Variants in AP1G1 observed in about 807,000 individuals in gnomAD.
AP1G1 encodes adaptor related protein complex 1 subunit gamma 1.
AP1G1 carries 7 observed loss-of-function variants against 108.3 expected under a neutral mutation model. The ratio of observed to expected loss-of-function variants is 0.06; its 90% CI spans 0.04 to 0.12. AP1G1 has a LOEUF of 0.12. Among genes scored for constraint, AP1G1 ranks in the 10% least tolerant of loss-of-function variants. The probability of loss-of-function intolerance (pLI) is 1.00; values close to 1 mark genes in which losing one functional copy is unlikely to be tolerated. For missense variants in AP1G1, 756 were observed against 1,010.7 expected, an observed-to-expected ratio of 0.75 and a Z score of 3.42; for synonymous variants, 379 against 353.5, an observed-to-expected ratio of 1.07 and a Z score of -0.81.
At chr16:71,789,820 A>T (rs1179158627) in intron 1 of AP1G1, among the ~76,000 whole-genome samples, 1 of 152,244 alleles carries the variant, frequency 6.6e-6, no homozygotes, top group Non-Finnish European at 1.5e-5. Flanking sequence ...CCTTAAAGTA[A>T]TAAGGAAAGG....
chr16:71,802,364 T>G (rs557105318), intron 1 of AP1G1, among the ~76,000 whole-genome samples: 1 of 152,056 alleles, frequency 6.6e-6, no homozygotes, highest in South Asian at 2.1e-4. Context: ...ACTCCTGGGT[T>G]CAAGTGATCT....
chr16:71,753,364 T>TA (rs1415776824), intron 13 of AP1G1, among the ~76,000 whole-genome samples: 5 of 152,190 alleles, frequency 3.3e-5, no homozygotes, highest in African/African-American at 1.2e-4. Flanking sequence ...GAGGCCTACA[T>TA]AGTCTGGCTC....
intron 1 of AP1G1, among the ~76,000 whole-genome samples, chr16:71,806,261 C>T (rs766035505): frequency 3.3e-5 from 5 of 152,066 alleles, no homozygotes; most frequent in East Asian, 1.9e-4. Flanking sequence ...CAAAAGAAAA[C>T]GGAGGTTTCC....
chr16:71,781,832 C>G (rs1047592790), intron 2 of AP1G1, among the ~76,000 whole-genome samples: 1 of 152,166 alleles, frequency 6.6e-6, no homozygotes. Context: ...GAAAATTTAT[C>G]TAGGTTATAT....
chr16:71,740,246 T>G (rs2045602130), intron 19 of AP1G1, among the ~76,000 whole-genome samples: 1 of 152,176 alleles, frequency 6.6e-6, no homozygotes, highest in Non-Finnish European at 1.5e-5. Context: ...GGGGCTGCCT[T>G]GTTTATTGTA....
At chr16:71,806,596 A>C (rs1597097985) in intron 1 of AP1G1, 18 of 789,332 alleles carry the variant, frequency 2.3e-5, no homozygotes, top group African/African-American at 9.3e-5. Context: ...GAGTTAACTA[A>C]CATCTATGTG....
intron 2 of AP1G1, among the ~76,000 whole-genome samples, chr16:71,780,496 T>TAA (rs1291795204): frequency 1.4e-4 from 17 of 117,250 alleles, no homozygotes; most frequent in African/African-American, 5.4e-4. Context: ...GTCTCTTAAT[T>TAA]TAAAAAAAAA....
At chr16:71,786,727 G>C (rs1281073103) in intron 2 of AP1G1, among the ~76,000 whole-genome samples, 1 of 152,062 alleles carries the variant, frequency 6.6e-6, no homozygotes, top group Non-Finnish European at 1.5e-5. Flanking sequence ...CCAAAGTTCT[G>C]GGTGTACAGG....
At chr16:71,736,114 AAAAATATATATAT>A (rs888810343) in intron 21 of AP1G1, among the ~76,000 whole-genome samples, 1 of 74,108 alleles carries the variant, frequency 1.3e-5, no homozygotes, top group Non-Finnish European at 2.6e-5. Flanking sequence ...AAAAAAAAAA[AAAAATATATATAT>A]ATATATATAT....
intron 9 of AP1G1, among the ~76,000 whole-genome samples, chr16:71,763,799 A>G (rs1184253403): frequency 6.6e-6 from 1 of 152,208 alleles, no homozygotes; most frequent in Non-Finnish European, 1.5e-5. Context: ...TCTAATATTA[A>G]TAAATGATAG....
intron 7 of AP1G1, among the ~76,000 whole-genome samples, chr16:71,765,083 G>A (rs893218970): frequency 1.3e-5 from 2 of 152,204 alleles, no homozygotes; most frequent in African/African-American, 4.8e-5. Flanking sequence ...GCTCTTGCCT[G>A]TAATCCCAGT....
chr16:71,780,016 C>T (rs1339146948), intron 2 of AP1G1, among the ~76,000 whole-genome samples: 4 of 131,756 alleles, frequency 3.0e-5, no homozygotes, highest in South Asian at 2.4e-4. Context: ...TTTTTTGAGA[C>T]GAAGTCTGGC....
chr16:71,772,540 A>T (rs939960375), intron 4 of AP1G1, among the ~76,000 whole-genome samples: 4 of 152,214 alleles, frequency 2.6e-5, no homozygotes, highest in African/African-American at 9.6e-5. Flanking sequence ...ACAAATTAAG[A>T]AAATAATTTA....
chr16:71,789,854 T>C (rs182807321), intron 1 of AP1G1, among the ~76,000 whole-genome samples: 15 of 152,346 alleles, frequency 9.8e-5, no homozygotes, highest in Admixed American at 3.3e-4. Flanking sequence ...TTAGAAAAGA[T>C]AGATATTATC....
intron 15 of AP1G1, among the ~76,000 whole-genome samples, chr16:71,748,715 A>G (rs566257384): frequency 7.9e-5 from 12 of 152,282 alleles, no homozygotes; most frequent in South Asian, 2.1e-4. Flanking sequence ...TGTTGCCACA[A>G]TTTTCCCTTT....
At chr16:71,779,146 A>G (rs1036413516) in intron 2 of AP1G1, among the ~76,000 whole-genome samples, 26 of 152,158 alleles carry the variant, frequency 1.7e-4, no homozygotes, top group Non-Finnish European at 5.9e-5. Flanking sequence ...TAAGAGATCG[A>G]AGTTTTCAGC....
At chr16:71,754,761 C>T (rs1040584029) in intron 12 of AP1G1, among the ~76,000 whole-genome samples, 1 of 151,952 alleles carries the variant, frequency 6.6e-6, no homozygotes, top group Non-Finnish European at 1.5e-5. Flanking sequence ...GACTGGGCCA[C>T]TGCCCTCCAG....
chr16:71,802,092 G>C (rs1461222075), intron 1 of AP1G1, among the ~76,000 whole-genome samples: 2 of 152,140 alleles, frequency 1.3e-5, no homozygotes, highest in Non-Finnish European at 2.9e-5. Context: ...GATACTCAAT[G>C]TGTATTTGGT....
At chr16:71,736,838 G>A (rs984380034) in intron 21 of AP1G1, among the ~76,000 whole-genome samples, 13 of 148,232 alleles carry the variant, frequency 8.8e-5, no homozygotes, top group East Asian at 4.0e-4. Flanking sequence ...CGTGGGATCC[G>A]CCTGCCTCGG....
Sources: gnomAD v4.1 joint callset for allele counts (sites outside exome capture counted in the v4.1 genomes callset) on GRCh38, gnomAD v4.1.1 for gene constraint, MANE v1.5 for transcripts, NCBI Gene and HGNC (gene_info 2026-07-23, HGNC 2026-07-21) for gene names.